Variants in CA5B observed in about 807,000 individuals in gnomAD.
CA5B encodes carbonic anhydrase 5B.
A neutral mutation model predicts 23.1 loss-of-function variants in CA5B; 15 were observed. That is an observed-to-expected ratio of 0.65 (90% CI 0.43 to 1.00). CA5B has a LOEUF of 1.00. Among genes scored for constraint, CA5B ranks in the 50% least tolerant of loss-of-function variants. The pLI, the probability that CA5B is intolerant of heterozygous loss-of-function variation, is 0.00. For missense variants in CA5B, 236 were observed against 252.2 expected, an observed-to-expected ratio of 0.94 and a Z score of 0.43; for synonymous variants, 84 against 98.5, an observed-to-expected ratio of 0.85 and a Z score of 0.87.
At chrX:15,756,120 G>A (rs1049214570) in intron 2 of CA5B, among the ~76,000 whole-genome samples, 1 of 111,625 alleles carries the variant, frequency 9.0e-6, no homozygotes, top group African/African-American at 3.3e-5. Flanking sequence ...TAAGGTGGGA[G>A]TGTCAGAGAA....
intron 2 of CA5B, among the ~76,000 whole-genome samples, chrX:15,757,967 C>G (rs1196653971): frequency 2.7e-5 from 3 of 111,041 alleles, no homozygotes; most frequent in African/African-American, 9.8e-5. Flanking sequence ...AGGAAAATTG[C>G]TGAGTGGCAG....
At chrX:15,745,161 T>C (rs1931200299) in intron 1 of CA5B, among the ~76,000 whole-genome samples, 1 of 71,437 alleles carries the variant, frequency 1.4e-5, no homozygotes, top group Non-Finnish European at 2.6e-5. Flanking sequence ...AGAGCGTGAC[T>C]CTGTCTCAAA....
rs758017730 is a variant in CA5B at position 15,786,989 on chromosome X, TACAG to T, written c.*4330_*4333del. On this transcript the variant is annotated 3_prime_UTR_variant, in exon 8 of 8. Coordinates refer to ENST00000318636, the MANE Select transcript of CA5B (RefSeq NM_007220.4). Reference sequence around the variant, plus strand: ...CATTACATGAAGCAGATTTATTACTTACAGACAGGAAGCAAGGGACAAAAGAGGC... The same window carrying T: ...CATTACATGAAGCAGATTTATTACTTACAGGAAGCAAGGGACAAAAGAGGC... 10 of 111,579 alleles carry T rather than the reference TACAG, an allele frequency of 9.0e-5. No homozygotes were observed. The East Asian group carries it at 2.8e-3, about 32-fold the overall frequency. 9.2% of individuals were successfully genotyped at this position (111,579 alleles called of 1,213,427 possible).
intron 1 of CA5B, among the ~76,000 whole-genome samples, chrX:15,740,807 T>C (rs1476757760): frequency 8.9e-6 from 1 of 112,751 alleles, no homozygotes. Context: ...TGTACGCCTG[T>C]AATCCCAGCA....
Position 15,740,821 on chromosome X carries a change from T to C in CA5B, c.-54+2469T>C, listed in dbSNP as rs934222295. On this transcript the variant is annotated intron_variant, in intron 1 of 7. Coordinates refer to ENST00000318636, the MANE Select transcript of CA5B (RefSeq NM_007220.4). ...CTGTACGCCTGTAATCCCAGCACTT[T>C]GGGAGGCTGAGGCGGGTGGATCGTT... 4.4e-5 allele frequency among the ~76,000 whole-genome samples: 5 copies of C among 112,500 alleles called. No individual in the cohort carries two copies. In the Admixed American group the frequency reaches 4.7e-4, roughly 10 times the overall value.
chrX:15,774,531 A>T, intron 5 of CA5B, 134 bp downstream of exon 5: 1 of 803,927 alleles, frequency 1.2e-6, no homozygotes, highest in Non-Finnish European at 1.7e-6. Flanking sequence ...GAAGTACAGG[A>T]TTGTTAAGAA....
At chrX:15,775,852 T>TC in intron 6 of CA5B, 2 of 747,296 alleles carry the variant, frequency 2.7e-6, no homozygotes, top group Non-Finnish European at 3.2e-6. Context: ...TCTTTCCCTC[T>TC]CCTTTCCTCT....
chrX:15,768,890 A>T (rs1160657882), intron 3 of CA5B: 1 of 112,138 alleles, frequency 8.9e-6, no homozygotes, highest in Non-Finnish European at 1.9e-5. Flanking sequence ...CTTTGTGAGG[A>T]TTGGAATAAA....
At chrX:15,778,115 A>G (rs1931964022) in intron 7 of CA5B, among the ~76,000 whole-genome samples, 1 of 112,137 alleles carries the variant, frequency 8.9e-6, no homozygotes, top group African/African-American at 3.2e-5. Context: ...GCTCCTATTT[A>G]TAATGGAAAC....
At position 15,782,475 on chromosome X, in the gene CA5B, C is replaced by G. The variant is rs12116196; in HGVS notation, c.775-10C>G. ...TTGAAATTATTTATGCTTTCTGTTT[C>G]TATTTCTAGCTTGAGCAATTTCGGA... On this transcript the variant is annotated splice_polypyrimidine_tract_variant and intron_variant, in intron 7 of 7. Transcript: ENST00000318636. 1.1e-3 allele frequency: 1,136 copies of G among 1,056,654 alleles called. 10 individuals carry two copies. The African/African-American group carries it at 0.017, about 16-fold the overall frequency. The allele number at this position is 1,056,654 out of a possible 1,213,427, so 87.1% of individuals were successfully genotyped here. A position where few individuals can be genotyped will look rare whatever the true frequency, so the allele number is the denominator to read the frequency against.
intron 2 of CA5B, among the ~76,000 whole-genome samples, chrX:15,763,733 A>C (rs1299029361): frequency 1.8e-5 from 2 of 112,296 alleles, no homozygotes; most frequent in Non-Finnish European, 3.8e-5. Context: ...ATGACAGGCC[A>C]TCTGCAAGCC....
rs1280814600 is a variant in CA5B at position 15,784,532 on chromosome X, T to C, written c.*1868T>C. 8.9e-6 allele frequency: 1 copy of C among 112,445 alleles called. No individual in the cohort carries two copies. Among genetic ancestry groups the C allele is most frequent in the Non-Finnish European group, 1.9e-5 (1 of 53,345 alleles). The allele number at this position is 112,445 out of a possible 1,213,427, so 9.3% of individuals were successfully genotyped here. A position where few individuals can be genotyped will look rare whatever the true frequency, so the allele number is the denominator to read the frequency against. ...GCTCTTGCTTATAAATATCTTGGAA[T>C]GTTTCTGAATGCCTCTAAGCCTATG... On this transcript the variant is annotated 3_prime_UTR_variant, in exon 8 of 8. Transcript: ENST00000318636.
At position 15,787,532 on chromosome X, in the gene CA5B, A is replaced by C. The variant is rs1474989673; in HGVS notation, c.*4868A>C. On this transcript the variant is annotated 3_prime_UTR_variant, in exon 8 of 8. Coordinates refer to ENST00000318636, the MANE Select transcript of CA5B (RefSeq NM_007220.4). The stretch of plus-strand genomic sequence containing the variant: ...GTTTGGAAGTGGAATTGGCTTTTAG[A>C]GTTACTTCCTGTAATGAAATTAACA... The C allele has an allele frequency of 8.9e-6, 1 of 112,585 alleles. No homozygotes were observed. Among genetic ancestry groups the C allele is most frequent in the Non-Finnish European group, 1.9e-5 (1 of 53,346 alleles). The allele number at this position is 112,585 out of a possible 1,213,427, so 9.3% of individuals were successfully genotyped here. A position where few individuals can be genotyped will look rare whatever the true frequency, so the allele number is the denominator to read the frequency against.
intron 2 of CA5B, among the ~76,000 whole-genome samples, chrX:15,752,654 G>C (rs375676853): frequency 2.7e-5 from 3 of 110,328 alleles, no homozygotes; most frequent in East Asian, 5.7e-4. Flanking sequence ...GAACCCGGGA[G>C]GCGGAGCTTG....
At chrX:15,747,704 T>A (rs1307436983) in intron 1 of CA5B, among the ~76,000 whole-genome samples, 1 of 111,789 alleles carries the variant, frequency 8.9e-6, no homozygotes, top group Admixed American at 9.5e-5. Context: ...TAAATTGAAG[T>A]TGCCAATGGC....
At chrX:15,760,457 T>G (rs1016715481) in intron 2 of CA5B, among the ~76,000 whole-genome samples, 1 of 111,243 alleles carries the variant, frequency 9.0e-6, no homozygotes, top group Non-Finnish European at 1.9e-5. Flanking sequence ...AAGCTGAACT[T>G]GTAAACTCAA....
rs1403912646 is a variant in CA5B at position 15,747,678 on chromosome X, AAGC to A, written c.-53-2290_-53-2288del. Among the ~76,000 whole-genome samples the A allele has an allele frequency of 6.3e-5, 7 of 111,804 alleles. No individual in the cohort carries two copies. In the Admixed American group the frequency reaches 6.7e-4, roughly 11 times the overall value. On this transcript the variant is annotated intron_variant, in intron 1 of 7. Transcript: ENST00000318636. ...AAGTTTTTCTTTGTTAAGAAAAACA[AAGC>A]AGAGTGAGATTCTAAATTGAAGTTG...
intron 7 of CA5B, among the ~76,000 whole-genome samples, chrX:15,779,983 T>C (rs1454539464): frequency 3.6e-5 from 4 of 112,205 alleles, no homozygotes; most frequent in Non-Finnish European, 7.5e-5. Flanking sequence ...AAATTTTATT[T>C]TCTGGTCTAA....
At chrX:15,750,222 T>A in intron 2 of CA5B, 57 bp downstream of exon 2, 14 of 927,950 alleles carry the variant, frequency 1.5e-5, no homozygotes, top group Non-Finnish European at 2.1e-5. Flanking sequence ...AGTGACAGAG[T>A]GAAATCTCAT....
Sources: gnomAD v4.1 joint callset for allele counts (sites outside exome capture counted in the v4.1 genomes callset) on GRCh38, gnomAD v4.1.1 for gene constraint, MANE v1.5 for transcripts, NCBI Gene and HGNC (gene_info 2026-07-23, HGNC 2026-07-21) for gene names.